PLA2G4C: variants seen among roughly 807,000 people sequenced by gnomAD.
PLA2G4C encodes the protein phospholipase A2 group IVC.
In PLA2G4C, 64 loss-of-function variants were observed where a neutral mutation model predicts 73.8. The ratio of observed to expected loss-of-function variants is 0.87; its 90% CI spans 0.71 to 1.07. The LOEUF is 1.07. PLA2G4C is among the 50% of genes least tolerant of loss of function. The probability of loss-of-function intolerance (pLI) is 0.00; values close to 1 mark genes in which losing one functional copy is unlikely to be tolerated. For synonymous variants in PLA2G4C, 254 were observed against 252.1 expected (o/e 1.01, Z -0.07); for missense variants, 622 against 665.4 (o/e 0.93, Z 0.72).
chr19:48,104,611 G>T lies in PLA2G4C; in HGVS notation c.234C>A (p.Leu78=). ...ACCAAGTGGATCCAGAGACCCCTGC[G>T]AGGTACGTGACGGCATCCAACAGGC... is the stretch of plus-strand genomic sequence containing the variant. ...EQGLLDAVTY[L]AGVSGSTWAI... The change falls in exon 4 of 17, where the codon CTC becomes CTA. Residue 78 remains leucine (L), a synonymous_variant. Coordinates refer to ENST00000599921, the MANE Select transcript of PLA2G4C (RefSeq NM_003706.3). 6.2e-7 allele frequency: 1 copy of T among 1,614,088 alleles called. No individual in the cohort carries two copies. The highest frequency in any genetic ancestry group is 8.5e-7 in the Non-Finnish European group (1 of 1,179,982).
At chr19:48,104,872 C>CT in intron 3 of PLA2G4C, 148 bp from the exon 4 acceptor site, 2 of 712,180 alleles carry the variant, frequency 2.8e-6, no homozygotes, top group Non-Finnish European at 4.6e-6. Context: ...CACTTGAGGT[C>CT]AGGAGTTCAA....
intron 8 of PLA2G4C, among the ~76,000 whole-genome samples, chr19:48,089,135 GAAC>G (rs1291559856): frequency 6.6e-6 from 1 of 152,052 alleles, no homozygotes. Flanking sequence ...CAATGTCAAA[GAAC>G]AACATCAGCC....
At chr19:48,094,826 T>G (rs1163271333) in intron 7 of PLA2G4C, among the ~76,000 whole-genome samples, 1 of 152,178 alleles carries the variant, frequency 6.6e-6, no homozygotes, top group Non-Finnish European at 1.5e-5. Flanking sequence ...TTAAAAAAAA[T>G]TGTATGCCCC....
intron 5 of PLA2G4C, among the ~76,000 whole-genome samples, chr19:48,098,748 A>AG (rs2031743198): frequency 1.5e-5 from 2 of 135,304 alleles, no homozygotes; most frequent in South Asian, 4.8e-4. Context: ...AAAAAAAAAA[A>AG]AAAATTTGTC....
rs773207259 is a variant in PLA2G4C, at chr19:48,104,695, G to T, written c.150C>A (p.Gly50=). 1.9e-6 allele frequency: 3 copies of T among 1,614,008 alleles called. No homozygotes were observed. Among genetic ancestry groups the T allele is most frequent in the South Asian group, 1.1e-5 (1 of 91,064 alleles). ...EAPVVAVLGS[G]GGLRAHIACL... ...AGGCAATGTGAGCCCGCAGTCCTCC[G>T]CCTGAGCCCAGCACAGCAACAACTG... The change falls in exon 4 of 17, where the codon GGC becomes GGA. Residue 50 remains glycine, a synonymous_variant. Transcript: ENST00000599921.
chr19:48,065,488 T>A (rs1968380348), intron 13 of PLA2G4C, among the ~76,000 whole-genome samples: 2 of 151,976 alleles, frequency 1.3e-5, no homozygotes, highest in South Asian at 4.1e-4. Flanking sequence ...TGGTGACATG[T>A]GCCTGTAATC....
At chr19:48,067,723 C>A in intron 13 of PLA2G4C, 68 bp downstream of exon 13, 1 of 1,060,370 alleles carries the variant, frequency 9.4e-7, no homozygotes, top group Non-Finnish European at 1.5e-6. Context: ...CAGGCCCACC[C>A]CCTTCCCCTA....
intron 10 of PLA2G4C, among the ~76,000 whole-genome samples, chr19:48,082,692 T>C (rs2030669829): frequency 6.7e-6 from 1 of 148,850 alleles, no homozygotes; most frequent in African/African-American, 2.5e-5. Context: ...AGAAACGAGG[T>C]TTCACCATGT....
At chr19:48,071,634 G>C (rs1244623622) in intron 12 of PLA2G4C, among the ~76,000 whole-genome samples, 1 of 151,712 alleles carries the variant, frequency 6.6e-6, no homozygotes, top group Non-Finnish European at 1.5e-5. Flanking sequence ...TTTTAGAGAG[G>C]AGGTCTCACT....
At chr19:48,054,746 A>C (rs744399) in intron 15 of PLA2G4C, 132 bp downstream of exon 15, 765,574 of 824,798 alleles carry the variant, frequency 0.93, 355,634 homozygotes, top group Middle Eastern at 0.94. Flanking sequence ...GAGGCCTCTC[A>C]ATCCATGCTG....
At chr19:48,064,101 A>G (rs1968312443) in intron 13 of PLA2G4C, among the ~76,000 whole-genome samples, 2 of 152,228 alleles carry the variant, frequency 1.3e-5, no homozygotes, top group Non-Finnish European at 2.9e-5. Flanking sequence ...GTGCTCTGCT[A>G]CAAGTATTTG....
At chr19:48,105,927 C>CTTTCTT (rs2032192082) in intron 2 of PLA2G4C, among the ~76,000 whole-genome samples, 6 of 14,182 alleles carry the variant, frequency 4.2e-4, no homozygotes, top group Admixed American at 1.2e-3. Flanking sequence ...CCCTCCCTCC[C>CTTTCTT]TCCCTCCCTC....
In PLA2G4C at chr19:48,067,928, C is replaced by T. The variant is rs776223186; in HGVS notation, c.1007-42G>A. 11 of 1,396,418 alleles carry T rather than the reference C, an allele frequency of 7.9e-6. No homozygotes were observed. The Admixed American group carries it at 1.2e-4, about 15-fold the overall frequency. The allele number at this position is 1,396,418 out of a possible 1,614,324, so 86.5% of individuals were successfully genotyped here. ...AGACAGCCAAGGTGAGTTCAGGAGACTGAGTGGTTTCTGCCCCCACCAAAG... is the reference window on the plus strand; with the variant it reads ...AGACAGCCAAGGTGAGTTCAGGAGATTGAGTGGTTTCTGCCCCCACCAAAG... On this transcript the variant is annotated intron_variant, in intron 12 of 16. Coordinates refer to ENST00000599921, the MANE Select transcript of PLA2G4C (RefSeq NM_003706.3).
intron 13 of PLA2G4C, among the ~76,000 whole-genome samples, chr19:48,066,264 T>G (rs1285363471): frequency 6.6e-6 from 1 of 151,944 alleles, no homozygotes; most frequent in Non-Finnish European, 1.5e-5. Flanking sequence ...TTCAGATGGT[T>G]GGGTGGTGGG....
chr19:48,089,085 C>A (rs1262980996), intron 8 of PLA2G4C, among the ~76,000 whole-genome samples: 1 of 152,130 alleles, frequency 6.6e-6, no homozygotes, highest in Admixed American at 6.6e-5. Flanking sequence ...TAGATAGATT[C>A]CCTTTTTAGT....
At chr19:48,103,345 T>C (rs1194958028) in intron 4 of PLA2G4C, 1 of 152,314 alleles carries the variant, frequency 6.6e-6, no homozygotes, top group East Asian at 1.9e-4. Context: ...CCGGTGTGAC[T>C]CTGCAGGACC....
Position 48,092,761 on chromosome 19 carries a change from TGACAGGGACTTAGTATTCAATGGGCGTA to T in PLA2G4C, c.710-2372_710-2345del, listed in dbSNP as rs532998019. ...GGTTGTCAGGGGCTAAGGGAGGGGG[TGACAGGGACTTAGTATTCAATGGGCGTA>T]GAGTTCCAGTTTTACAAGATGAAAA... On this transcript the variant is annotated intron_variant, in intron 7 of 16. Transcript: ENST00000599921. Among the ~76,000 whole-genome samples, 12 of 149,764 alleles carry T rather than the reference TGACAGGGACTTAGTATTCAATGGGCGTA, an allele frequency of 8.0e-5. No individual in the cohort carries two copies. The South Asian group carries it at 2.5e-3, about 31-fold the overall frequency.
At chr19:48,067,926 G>T in intron 12 of PLA2G4C, 40 bp from the exon 13 acceptor site, 1 of 1,401,930 alleles carries the variant, frequency 7.1e-7, no homozygotes, top group South Asian at 1.2e-5. Flanking sequence ...GAGTTCAGGA[G>T]ACTGAGTGGT....
rs531455259 is a variant in PLA2G4C, at chr19:48,091,310, C to T, written c.710-893G>A. On this transcript the variant is annotated intron_variant, in intron 7 of 16. Transcript: ENST00000599921. Reference sequence around the variant, plus strand: ...AAGTGATTCTCCTGCTTCAGCCTCCCGACTAGCTGGGATTACAGGCATGCA... The same window carrying T: ...AAGTGATTCTCCTGCTTCAGCCTCCTGACTAGCTGGGATTACAGGCATGCA... Among the ~76,000 whole-genome samples the T allele has an allele frequency of 7.2e-5, 11 of 152,158 alleles. No homozygotes were observed. In the East Asian group the frequency reaches 1.6e-3, roughly 22 times the overall value.
Sources: gnomAD v4.1 joint callset for allele counts (sites outside exome capture counted in the v4.1 genomes callset) on GRCh38, gnomAD v4.1.1 for gene constraint, MANE v1.5 for transcripts, NCBI Gene and HGNC (gene_info 2026-07-23, HGNC 2026-07-21) for gene names.